TP53BP1: variants seen among roughly 807,000 people sequenced by gnomAD.
TP53BP1 encodes TP53-binding protein 1.
TP53BP1 carries 61 observed loss-of-function variants against 200.8 expected under a neutral mutation model. The observed-to-expected ratio is 0.30, with a 90% confidence interval of 0.25 to 0.38. The LOEUF (loss-of-function observed/expected upper bound fraction) is 0.38, where lower values mean the gene tolerates loss of function less well. Ranked by LOEUF, TP53BP1 falls within the 10% of genes least tolerant of loss-of-function variation. The probability of loss-of-function intolerance (pLI) is 1.00; values close to 1 mark genes in which losing one functional copy is unlikely to be tolerated. For synonymous variants in TP53BP1, 822 were observed against 844.3 expected (o/e 0.97, Z 0.46); for missense variants, 2,144 against 2,371.9 (o/e 0.90, Z 2.00).
intron 11 of TP53BP1, among the ~76,000 whole-genome samples, chr15:43,465,686 C>G (rs953191962): frequency 6.6e-6 from 1 of 152,168 alleles, no homozygotes; most frequent in African/African-American, 2.4e-5. Context: ...TCCCAAAGGT[C>G]TGGAAATTTC....
chr15:43,435,249 C>T lies in TP53BP1; in HGVS notation c.3192-2572G>A, dbSNP rs570435620. ...CTGCACTTCCAGCCTGGGTGACACA[C>T]AGACCAAGACCCCATCTCAAAAAAA... On this transcript the variant is annotated intron_variant, in intron 16 of 27. Coordinates refer to ENST00000382044, the MANE Select transcript of TP53BP1 (RefSeq NM_001141980.3). Among the ~76,000 whole-genome samples the T allele has an allele frequency of 2.6e-4, 25 of 97,774 alleles. 1 individual carries two copies. Among genetic ancestry groups the T allele is most frequent in the African/African-American group, 1.0e-3 (25 of 24,296 alleles). The allele number at this position is 97,774 out of a possible 152,430, so 64.1% of individuals were successfully genotyped here. A position where few individuals can be genotyped will look rare whatever the true frequency, so the allele number is the denominator to read the frequency against.
intron 14 of TP53BP1, among the ~76,000 whole-genome samples, chr15:43,444,560 A>G (rs1226782882): frequency 6.6e-6 from 1 of 152,040 alleles, no homozygotes; most frequent in Non-Finnish European, 1.5e-5. Flanking sequence ...TATCCCGGCT[A>G]CTCCATTTAC....
In TP53BP1 at chr15:43,508,389, G is replaced by T. The variant is rs535402762; in HGVS notation, c.-9+1981C>A. Among the ~76,000 whole-genome samples the T allele has an allele frequency of 3.3e-5, 5 of 152,256 alleles. No homozygotes were observed. The South Asian group carries it at 8.3e-4, about 25-fold the overall frequency. ...AAAAAATTTCTGGGCTGGGAACAGT[G>T]GCTCACGCTTGTAATCCCAGTCCTT... On this transcript the variant is annotated intron_variant, in intron 1 of 27. Coordinates refer to the TP53BP1 transcript ENST00000263801.
chr15:43,440,117 T>C (rs2045890844), intron 15 of TP53BP1, among the ~76,000 whole-genome samples: 1 of 152,210 alleles, frequency 6.6e-6, no homozygotes, highest in Non-Finnish European at 1.5e-5. Flanking sequence ...GCCTCTTTTA[T>C]TTGATATTTT....
At chr15:43,481,482 C>CAG (rs1047875399) in intron 4 of TP53BP1, among the ~76,000 whole-genome samples, 4 of 151,224 alleles carry the variant, frequency 2.6e-5, no homozygotes, top group Non-Finnish European at 4.4e-5. Context: ...CACACACACA[C>CAG]ACACACACAC....
At chr15:43,416,112 C>T in intron 22 of TP53BP1, 113 bp downstream of exon 22, 1 of 1,014,038 alleles carries the variant, frequency 9.9e-7, no homozygotes. Flanking sequence ...TCTGAGAAGC[C>T]ACACATAGGA....
At chr15:43,465,268 G>A (rs1463491568) in intron 11 of TP53BP1, among the ~76,000 whole-genome samples, 1 of 152,084 alleles carries the variant, frequency 6.6e-6, no homozygotes, top group Admixed American at 6.6e-5. Flanking sequence ...AAAGGGCATG[G>A]GTTTTGAGGA....
intron 12 of TP53BP1, among the ~76,000 whole-genome samples, chr15:43,452,913 G>A (rs945980807): frequency 3.3e-5 from 5 of 152,116 alleles, no homozygotes; most frequent in Admixed American, 3.3e-4. Flanking sequence ...AAGTACTCCA[G>A]GCCGGGCGCG....
chr15:43,415,507 G>A (rs184652329), intron 23 of TP53BP1, 87 bp downstream of exon 23: 346 of 1,411,306 alleles, frequency 2.5e-4, no homozygotes, highest in Non-Finnish European at 3.3e-4. Flanking sequence ...AAGGGCCACT[G>A]CCACATATTA....
chr15:43,487,075 C>T (rs1366431056), intron 4 of TP53BP1, among the ~76,000 whole-genome samples: 1 of 151,884 alleles, frequency 6.6e-6, no homozygotes, highest in East Asian at 1.9e-4. Context: ...ACATATTCTA[C>T]AAAAGACTAG....
rs573288522 is a variant in TP53BP1 at position 43,410,813 on chromosome 15, AGGTCAGG to A, written c.5306-1079_5306-1073del. On this transcript the variant is annotated intron_variant, in intron 24 of 27. Transcript: ENST00000382044. ...GGAGCTCAGGCACCGCCGAGGCCCC[AGGTCAGG>A]GGTCTCCATCTCCACTTAGTTCTGA... 2.0e-3 allele frequency among the ~76,000 whole-genome samples: 299 copies of A among 152,238 alleles called. 2 individuals are homozygous for A. The highest frequency in any genetic ancestry group is 3.1e-3 in the Non-Finnish European group (212 of 68,012).
At chr15:43,413,780 C>T (rs575981110) in intron 23 of TP53BP1, among the ~76,000 whole-genome samples, 9 of 151,016 alleles carry the variant, frequency 6.0e-5, no homozygotes, top group Non-Finnish European at 8.8e-5. Context: ...TTTGAAGCAG[C>T]CTTTGGAAAA....
upstream of TP53BP1, chr15:43,493,307 T>G: frequency 8.4e-7 from 1 of 1,187,992 alleles, no homozygotes; most frequent in Admixed American, 2.9e-5. Flanking sequence ...CATGGCAGCA[T>G]GGACGTTGCA....
At chr15:43,452,413 C>T (rs565645718) in intron 12 of TP53BP1, among the ~76,000 whole-genome samples, 3 of 152,008 alleles carry the variant, frequency 2.0e-5, no homozygotes, top group Non-Finnish European at 4.4e-5. Context: ...AAAAAATCAG[C>T]CAAGCATGCT....
intron 12 of TP53BP1, among the ~76,000 whole-genome samples, chr15:43,454,603 T>A (rs1018165351): frequency 1.3e-5 from 2 of 152,196 alleles, no homozygotes; most frequent in Non-Finnish European, 2.9e-5. Flanking sequence ...CCTCAGGCGA[T>A]CTGCTGGCCT....
chr15:43,466,389 C>T (rs1217136480), intron 11 of TP53BP1, among the ~76,000 whole-genome samples: 49 of 152,020 alleles, frequency 3.2e-4, no homozygotes, highest in Non-Finnish European at 4.4e-5. Context: ...TCAAAGAAAA[C>T]TAAACAAATA....
intron 6 of TP53BP1, 32 bp from the exon 7 acceptor site, chr15:43,479,558 TA>T (rs1388470309): frequency 6.3e-7 from 1 of 1,591,230 alleles, no homozygotes; most frequent in Non-Finnish European, 8.5e-7. Flanking sequence ...AGGAAGGAGA[TA>T]ATTAAGTTTT....
At position 43,403,875 on chromosome 15, in the gene TP53BP1, CCT is replaced by C. The variant is rs776678199; in HGVS notation, c.*3506_*3507del. On this transcript the variant is annotated 3_prime_UTR_variant, in exon 28 of 28. Transcript: ENST00000382044. ...TGCCAATGGAGAATTCATGATCTTTCCTCTGAGTCAGTAAAGCATTTCCTCAA... is the reference window on the plus strand; with the variant it reads ...TGCCAATGGAGAATTCATGATCTTTCCTGAGTCAGTAAAGCATTTCCTCAA... The C allele has an allele frequency of 2.0e-6, 2 of 1,007,190 alleles. No individual in the cohort carries two copies. The highest frequency in any genetic ancestry group is 2.6e-5 in the South Asian group (2 of 77,204). The allele number at this position is 1,007,190 out of a possible 1,614,324, so 62.4% of individuals were successfully genotyped here. A position where few individuals can be genotyped will look rare whatever the true frequency, so the allele number is the denominator to read the frequency against.
intron 1 of TP53BP1, among the ~76,000 whole-genome samples, chr15:43,509,841 C>A (rs548783704): frequency 1.4e-3 from 213 of 151,646 alleles, no homozygotes; most frequent in African/African-American, 5.0e-3. Context: ...CAAAAAAAAA[C>A]CCAAAAACCC....
Sources: allele counts gnomAD v4.1 joint callset (sites outside exome capture counted in the v4.1 genomes callset), GRCh38; gene constraint gnomAD v4.1.1; transcripts MANE v1.5; gene names NCBI Gene and HGNC (gene_info 2026-07-23, HGNC 2026-07-21).